Variants in TLN2 observed in about 807,000 individuals in gnomAD.
TLN2 encodes the protein talin-2.
Under a neutral mutation model 294.7 loss-of-function variants are expected in TLN2, and 118 were observed. The ratio of observed to expected loss-of-function variants is 0.40; its 90% CI spans 0.34 to 0.47. The LOEUF (loss-of-function observed/expected upper bound fraction) is 0.47. TLN2 is among the 20% of genes least tolerant of loss of function. TLN2 has a pLI of 0.84. For synonymous variants in TLN2, 1,431 were observed against 1,304.5 expected (o/e 1.10, Z -2.09); for missense variants, 3,083 against 3,282.2 (o/e 0.94, Z 1.48).
intron 1 of TLN2, among the ~76,000 whole-genome samples, chr15:62,425,705 G>A (rs1360295587): frequency 6.6e-6 from 1 of 152,190 alleles, no homozygotes; most frequent in African/African-American, 2.4e-5. Flanking sequence ...TGTCCTCCTT[G>A]GGTTTAATTT....
At chr15:62,641,634 A>T (rs113671727) in intron 3 of TLN2, among the ~76,000 whole-genome samples, 29 of 132,348 alleles carry the variant, frequency 2.2e-4, no homozygotes, top group African/African-American at 7.6e-4. Context: ...AAATAAAAAT[A>T]AAAAAAAAAT....
intron 5 of TLN2, 92 bp from the exon 6 acceptor site, chr15:62,651,913 T>A (rs2052634369): frequency 7.2e-6 from 10 of 1,398,386 alleles, no homozygotes; most frequent in Admixed American, 2.4e-5. Context: ...CTACTCTGAT[T>A]TTTTTAAAAT....
At chr15:62,825,141 G>A (rs1449558845) in intron 54 of TLN2, among the ~76,000 whole-genome samples, 4 of 152,132 alleles carry the variant, frequency 2.6e-5, no homozygotes, top group Non-Finnish European at 2.9e-5. Flanking sequence ...ATTGAGAAGC[G>A]ATCTGTGTGT....
intron 1 of TLN2, among the ~76,000 whole-genome samples, chr15:62,430,394 A>C (rs1049280967): frequency 1.3e-5 from 2 of 152,240 alleles, no homozygotes; most frequent in Non-Finnish European, 2.9e-5. Context: ...TTTTCTGTCC[A>C]AACTCTTCCC....
chr15:62,583,742 G>T (rs968424428), intron 1 of TLN2, among the ~76,000 whole-genome samples: 1 of 152,124 alleles, frequency 6.6e-6, no homozygotes, highest in African/African-American at 2.4e-5. Context: ...TTCAAGGGCT[G>T]GGGATATGGC....
rs114207900 is a variant in TLN2, at chr15:62,470,131, A to G, written c.-238+79446A>G. 2.9e-3 allele frequency among the ~76,000 whole-genome samples: 437 copies of G among 152,348 alleles called. 5 individuals are homozygous for G. The highest frequency in any genetic ancestry group is 0.01 in the African/African-American group (427 of 41,574). On this transcript the variant is annotated intron_variant, in intron 1 of 58. Coordinates refer to ENST00000636159, the MANE Select transcript of TLN2 (RefSeq NM_015059.3). ...ACTAACATGGGAACAAAATGATCTC[A>G]TGCCCCTTTCCCACTGAGACTGCAC...
intron 1 of TLN2, among the ~76,000 whole-genome samples, chr15:62,422,365 T>C (rs139290143): frequency 7.1e-4 from 108 of 152,250 alleles, no homozygotes; most frequent in Non-Finnish European, 1.2e-3. Flanking sequence ...CCCAGGAATG[T>C]GAATTTTTAA....
chr15:62,510,098 C>G (rs1268153399), intron 1 of TLN2, among the ~76,000 whole-genome samples: 1 of 152,174 alleles, frequency 6.6e-6, no homozygotes, highest in Non-Finnish European at 1.5e-5. Flanking sequence ...GGGTTTGTTA[C>G]TGGCAGCCTT....
At chr15:62,664,763 C>T (rs527509145) in intron 9 of TLN2, among the ~76,000 whole-genome samples, 1 of 141,392 alleles carries the variant, frequency 7.1e-6, no homozygotes, top group Admixed American at 7.7e-5. Context: ...GAGGCTGAGG[C>T]ACGAGAATCA....
chr15:62,629,792 C>A (rs1358358140), intron 3 of TLN2, among the ~76,000 whole-genome samples: 3 of 152,200 alleles, frequency 2.0e-5, no homozygotes, highest in African/African-American at 7.2e-5. Context: ...TGGGACCCAA[C>A]AAAAGGCAAA....
chr15:62,795,436 G>A (rs144602733), intron 46 of TLN2, among the ~76,000 whole-genome samples: 373 of 152,304 alleles, frequency 2.4e-3, no homozygotes, highest in African/African-American at 8.3e-3. Context: ...GAGGGTGTAC[G>A]TGATGGGTGA....
At chr15:62,472,331 G>A (rs1037394560) in intron 1 of TLN2, among the ~76,000 whole-genome samples, 1 of 152,092 alleles carries the variant, frequency 6.6e-6, no homozygotes, top group Non-Finnish European at 1.5e-5. Context: ...TTGTCCCATG[G>A]GGAGAACCCT....
intron 1 of TLN2, among the ~76,000 whole-genome samples, chr15:62,545,520 G>GTA (rs1034793269): frequency 5.4e-5 from 8 of 147,086 alleles, no homozygotes; most frequent in Admixed American, 1.3e-4. Context: ...CTCTTTGTGT[G>GTA]TGTGTGTGTG....
chr15:62,532,523 C>T (rs2041104566), intron 1 of TLN2, among the ~76,000 whole-genome samples: 1 of 152,222 alleles, frequency 6.6e-6, no homozygotes, highest in Admixed American at 6.5e-5. Flanking sequence ...ATGCTGCCCA[C>T]TGTCCCTGTT....
chr15:62,630,135 G>A (rs912938965), intron 3 of TLN2, among the ~76,000 whole-genome samples: 1 of 19,432 alleles, frequency 5.1e-5, no homozygotes, highest in African/African-American at 1.1e-4. Flanking sequence ...TGTAACTATT[G>A]GAAAAACTGG....
rs901064852 is a variant in TLN2 at position 62,663,526 on chromosome 15, C to T, written c.788+5628C>T. ...TGATAGGATTATCTACATAGATAAT[C>T]AGTCAGTCTATAGAGAACCTTACTA... On this transcript the variant is annotated intron_variant, in intron 9 of 58. Coordinates refer to ENST00000636159, the MANE Select transcript of TLN2 (RefSeq NM_015059.3). Among the ~76,000 whole-genome samples, 5 of 151,136 alleles carry T rather than the reference C, an allele frequency of 3.3e-5. 1 individual carries two copies. Among genetic ancestry groups the T allele is most frequent in the African/African-American group, 1.2e-4 (5 of 40,972 alleles).
chr15:62,641,820 G>A (rs181772485), intron 3 of TLN2, among the ~76,000 whole-genome samples: 203 of 152,208 alleles, frequency 1.3e-3, no homozygotes, highest in Non-Finnish European at 2.2e-3. Flanking sequence ...GTGGGGTCAG[G>A]GCACTTCGTG....
intron 1 of TLN2, among the ~76,000 whole-genome samples, chr15:62,542,497 G>A (rs1418208111): frequency 6.6e-6 from 1 of 152,080 alleles, no homozygotes; most frequent in Non-Finnish European, 1.5e-5. Context: ...GCCCCATTTA[G>A]TATTTTCAGA....
chr15:62,446,531 A>T (rs182565882), intron 1 of TLN2, among the ~76,000 whole-genome samples: 3 of 152,312 alleles, frequency 2.0e-5, no homozygotes, highest in South Asian at 2.1e-4. Flanking sequence ...TTAGCTAGTG[A>T]GTCAGACGAC....
Sources: gnomAD v4.1 joint callset for allele counts (sites outside exome capture counted in the v4.1 genomes callset) on GRCh38, gnomAD v4.1.1 for gene constraint, MANE v1.5 for transcripts, NCBI Gene and HGNC (gene_info 2026-07-23, HGNC 2026-07-21) for gene names.